Variants in TCF4 observed in about 807,000 individuals in gnomAD.
TCF4 encodes the protein SL3-3 enhancer factor 2.
Under a neutral mutation model 82.1 loss-of-function variants are expected in TCF4, and 3 were observed. That is an observed-to-expected ratio of 0.04 (90% confidence interval 0.02 to 0.09). TCF4 has a LOEUF of 0.09. Ranked by LOEUF, TCF4 falls within the 10% of genes least tolerant of loss-of-function variation. The pLI is 1.00. For missense variants in TCF4, 518 were observed against 852.7 expected (o/e 0.61, Z 4.89); for synonymous variants, 276 against 309.6 (o/e 0.89, Z 1.14).
intron 8 of TCF4, among the ~76,000 whole-genome samples, chr18:55,341,044 T>A (rs577618405): frequency 2.6e-5 from 4 of 152,340 alleles, no homozygotes; most frequent in Admixed American, 1.3e-4. Flanking sequence ...TATACAGAGA[T>A]ACTGATGATC....
chr18:55,581,890 C>A (rs547513472), intron 3 of TCF4, among the ~76,000 whole-genome samples: 16 of 152,036 alleles, frequency 1.1e-4, no homozygotes, highest in Non-Finnish European at 1.6e-4. Flanking sequence ...TACCTGAACA[C>A]CTCAGTAAAA....
At chr18:55,621,476 A>ATT (rs1568500198) in intron 2 of TCF4, among the ~76,000 whole-genome samples, 1 of 7,502 alleles carries the variant, frequency 1.3e-4, no homozygotes, top group Non-Finnish European at 3.7e-4. Context: ...TATATATAAA[A>ATT]ATATAATATA....
At chr18:55,245,463 T>TA (rs986587628) in intron 15 of TCF4, among the ~76,000 whole-genome samples, 1 of 152,172 alleles carries the variant, frequency 6.6e-6, no homozygotes, top group African/African-American at 2.4e-5. Context: ...AATTTGGATG[T>TA]AAAAAATATA....
chr18:55,365,191 A>ATATATATGTG (rs1361444592), intron 6 of TCF4, among the ~76,000 whole-genome samples: 50 of 97,942 alleles, frequency 5.1e-4, no homozygotes, highest in Non-Finnish European at 7.3e-4. Context: ...ATATATATAT[A>ATATATATGTG]TGTGTGTGTG....
intron 5 of TCF4, among the ~76,000 whole-genome samples, chr18:55,447,174 G>T (rs1006357862): frequency 2.0e-5 from 3 of 151,794 alleles, no homozygotes; most frequent in Non-Finnish European, 2.9e-5. Context: ...AGCCAGGTGT[G>T]GTGGCACGTG....
upstream of TCF4, chr18:55,588,311 A>G: frequency 6.9e-7 from 1 of 1,458,120 alleles, no homozygotes; most frequent in Non-Finnish European, 9.0e-7. Flanking sequence ...CAAGTTCAGC[A>G]AAGAAATGGG....
intron 3 of TCF4, among the ~76,000 whole-genome samples, chr18:55,552,620 G>A (rs1603622608): frequency 6.6e-6 from 1 of 152,240 alleles, no homozygotes; most frequent in South Asian, 2.1e-4. Flanking sequence ...CTGCAGAAAT[G>A]AAATGTAACT....
At chr18:55,298,576 C>T (rs1324238585) in intron 8 of TCF4, among the ~76,000 whole-genome samples, 3 of 152,282 alleles carry the variant, frequency 2.0e-5, no homozygotes, top group South Asian at 4.1e-4. Flanking sequence ...CTAATAGTGG[C>T]ATGAGCAGCA....
chr18:55,369,877 T>A (rs975449928), intron 6 of TCF4, among the ~76,000 whole-genome samples: 13 of 152,188 alleles, frequency 8.5e-5, no homozygotes, highest in Admixed American at 8.5e-4. Context: ...TGGGCATTTT[T>A]AGCTTTCAAT....
chr18:55,339,849 C>T lies in TCF4; in HGVS notation c.549+10510G>A, dbSNP rs573372387. 1.8e-4 allele frequency among the ~76,000 whole-genome samples: 27 copies of T among 152,272 alleles called. 1 individual carries two copies. The highest frequency in any genetic ancestry group is 1.0e-3 in the Admixed American group (16 of 15,298). The stretch of plus-strand genomic sequence containing the variant: ...CACTGAGAAAAGATACATTATAATG[C>T]GTCAAAGGCTACAATCTAGCCATTC... On this transcript the variant is annotated intron_variant, in intron 8 of 19. Transcript: ENST00000354452.
intron 8 of TCF4, among the ~76,000 whole-genome samples, chr18:55,315,460 T>G (rs1371374665): frequency 1.3e-5 from 2 of 152,170 alleles, no homozygotes; most frequent in African/African-American, 4.8e-5. Context: ...AATGTGGTAC[T>G]GTGCCATAAA....
intron 3 of TCF4, among the ~76,000 whole-genome samples, chr18:55,535,721 A>G (rs1330462023): frequency 6.6e-6 from 1 of 152,242 alleles, no homozygotes; most frequent in Non-Finnish European, 1.5e-5. Flanking sequence ...TGGAAAAGAG[A>G]TAAAGATACA....
chr18:55,463,127 A>T (rs887903024), intron 4 of TCF4, among the ~76,000 whole-genome samples: 4 of 152,186 alleles, frequency 2.6e-5, no homozygotes, highest in Non-Finnish European at 4.4e-5. Context: ...AAAGGAAGAC[A>T]TGCTGGTTTT....
At chr18:55,428,749 A>G (rs571537596) in intron 5 of TCF4, among the ~76,000 whole-genome samples, 1 of 152,322 alleles carries the variant, frequency 6.6e-6, no homozygotes, top group East Asian at 1.9e-4. Flanking sequence ...CATGGATTTC[A>G]GGCTACATAG....
intron 8 of TCF4, among the ~76,000 whole-genome samples, chr18:55,318,773 C>T (rs1183589172): frequency 1.3e-5 from 2 of 151,888 alleles, no homozygotes; most frequent in Non-Finnish European, 2.9e-5. Context: ...TTTCGTTTGT[C>T]CTAAAATATC....
intron 3 of TCF4, among the ~76,000 whole-genome samples, chr18:55,530,484 C>T (rs958493493): frequency 7.5e-6 from 1 of 132,472 alleles, no homozygotes; most frequent in African/African-American, 2.9e-5. Flanking sequence ...GAAGAAGAGG[C>T]TAAAACAGGC....
At chr18:55,234,799 C>T in intron 15 of TCF4, 116 bp from the exon 16 acceptor site, 2 of 1,503,984 alleles carry the variant, frequency 1.3e-6, no homozygotes, top group Non-Finnish European at 1.8e-6. Context: ...CTCCCAAACG[C>T]GTTTCACTAG....
chr18:55,497,241 G>A (rs186879575), intron 3 of TCF4, among the ~76,000 whole-genome samples: 8 of 152,162 alleles, frequency 5.3e-5, no homozygotes, highest in Admixed American at 2.6e-4. Context: ...TCCTAAATTA[G>A]GCACTTCTAT....
chr18:55,224,516 AC>A lies in TCF4; in HGVS notation c.*3518del, dbSNP rs2046337222. On this transcript the variant is annotated 3_prime_UTR_variant, in exon 20 of 20. Transcript: ENST00000354452. ...ATTGATTCATTCCTGACTCAAGTTC[AC>A]TTTTGGACACAGATCATATTCTGCC... The A allele has an allele frequency of 6.6e-6, 1 of 152,598 alleles. No homozygotes were observed. The highest frequency in any genetic ancestry group is 2.4e-5 in the African/African-American group (1 of 41,444). The allele number at this position is 152,598 out of a possible 1,614,324, so 9.5% of individuals were successfully genotyped here.
Sources: allele counts gnomAD v4.1 joint callset (sites outside exome capture counted in the v4.1 genomes callset), GRCh38; gene constraint gnomAD v4.1.1; transcripts MANE v1.5; gene names NCBI Gene and HGNC (gene_info 2026-07-23, HGNC 2026-07-21).